The following SNX8 variants were observed in gnomAD, a reference collection of about 807,000 sequenced individuals.
The protein encoded by SNX8 is sorting nexin-8.
A neutral mutation model predicts 51.6 loss-of-function variants in SNX8; 25 were observed. The ratio of observed to expected loss-of-function variants is 0.48; its 90% CI spans 0.35 to 0.68. The LOEUF (loss-of-function observed/expected upper bound fraction) is 0.68. Among genes scored for constraint, SNX8 ranks in the 30% least tolerant of loss-of-function variants. SNX8 has a pLI of 0.00. For missense variants in SNX8, 695 were observed against 624.0 expected, an observed-to-expected ratio of 1.11 and a Z score of -1.21; for synonymous variants, 324 against 277.0, an observed-to-expected ratio of 1.17 and a Z score of -1.68.
intron 1 of SNX8, among the ~76,000 whole-genome samples, chr7:2,300,025 A>G (rs1796357697): frequency 6.6e-6 from 1 of 152,214 alleles, no homozygotes; most frequent in African/African-American, 2.4e-5. Context: ...GCAATTAATC[A>G]ACCAGAAAAT....
At chr7:2,267,984 A>G (rs1795516269) in intron 5 of SNX8, among the ~76,000 whole-genome samples, 2 of 144,106 alleles carry the variant, frequency 1.4e-5, no homozygotes, top group Non-Finnish European at 1.5e-5. Context: ...GGATGTGAGG[A>G]GCGCCTCTGC....
chr7:2,251,781 C>G lies in SNX8; in HGVS notation c.*3275G>C, dbSNP rs1224017485. The G allele has an allele frequency of 6.5e-6, 1 of 152,754 alleles. No individual in the cohort carries two copies. Among genetic ancestry groups the G allele is most frequent in the Non-Finnish European group, 1.5e-5 (1 of 68,486 alleles). The allele number at this position is 152,754 out of a possible 1,614,324, so 9.5% of individuals were successfully genotyped here. A position where few individuals can be genotyped will look rare whatever the true frequency, so the allele number is the denominator to read the frequency against. ...TCATACACGTTTAATAACAGTTGTT[C>G]ACACATGTTTATTGATAAACCGTCC... On this transcript the variant is annotated 3_prime_UTR_variant, in exon 11 of 11. Coordinates refer to ENST00000222990, the MANE Select transcript of SNX8 (RefSeq NM_013321.4).
intron 1 of SNX8, among the ~76,000 whole-genome samples, chr7:2,303,073 C>A (rs1464269484): frequency 3.3e-5 from 5 of 149,506 alleles, no homozygotes; most frequent in Non-Finnish European, 7.5e-5. Flanking sequence ...GTCAGCCCCC[C>A]ACCCGGCCAG....
intron 1 of SNX8, among the ~76,000 whole-genome samples, chr7:2,307,446 A>G (rs1584727426): frequency 6.6e-6 from 1 of 152,150 alleles, no homozygotes; most frequent in South Asian, 2.1e-4. Context: ...AGCCTGGCCA[A>G]CATGGTGAAA....
Position 2,294,878 on chromosome 7 carries a change from TAA to T in SNX8, c.95-16575_95-16574del, listed in dbSNP as rs1344341846. Among the ~76,000 whole-genome samples the T allele has an allele frequency of 2.7e-5, 4 of 150,676 alleles. No homozygotes were observed. The East Asian group carries it at 7.9e-4, about 30-fold the overall frequency. On this transcript the variant is annotated intron_variant, in intron 1 of 10. Coordinates refer to ENST00000222990, the MANE Select transcript of SNX8 (RefSeq NM_013321.4). ...GCAATACCCCATCTCTACAAAAAAATAAAAAGTCAGGCATGGTGGTGCACACC... is the reference window on the plus strand; with the variant it reads ...GCAATACCCCATCTCTACAAAAAAATAAAGTCAGGCATGGTGGTGCACACC...
chr7:2,281,083 G>A (rs915596349), intron 1 of SNX8, among the ~76,000 whole-genome samples: 1 of 151,770 alleles, frequency 6.6e-6, no homozygotes, highest in African/African-American at 2.4e-5. Context: ...ATGAGACACC[G>A]CGCCCGGCCA....
chr7:2,334,791 C>T (rs1277025494), intron 1 of SNX8, among the ~76,000 whole-genome samples: 1 of 148,386 alleles, frequency 6.7e-6, no homozygotes, highest in Non-Finnish European at 1.5e-5. Flanking sequence ...ATCACCTGAT[C>T]CCAGAAGTTG....
chr7:2,264,069 C>A (rs1478123682), intron 6 of SNX8, among the ~76,000 whole-genome samples: 1 of 152,060 alleles, frequency 6.6e-6, no homozygotes, highest in Non-Finnish European at 1.5e-5. Context: ...AGACTAGAAA[C>A]TGGTGAGCAT....
chr7:2,302,976 C>T (rs1392883946), intron 1 of SNX8, among the ~76,000 whole-genome samples: 3 of 151,770 alleles, frequency 2.0e-5, no homozygotes, highest in Non-Finnish European at 4.4e-5. Flanking sequence ...TGAGGAGCGT[C>T]TCCGCCCGGC....
chr7:2,314,560 G>C, upstream of SNX8: 1 of 874,026 alleles, frequency 1.1e-6, no homozygotes, highest in Non-Finnish European at 1.4e-6. Flanking sequence ...GCCCCTGCGG[G>C]CCCGCCGCGC....
chr7:2,257,772 T>C lies in SNX8; in HGVS notation c.947A>G (p.Lys316Arg), dbSNP rs753019899. The C allele has an allele frequency of 5.0e-6, 8 of 1,613,936 alleles. No individual in the cohort carries two copies. The South Asian group carries it at 6.6e-5, about 13-fold the overall frequency. ...CAGCAGATCCAAGAAGAGGTTCAGC[T>C]TCTCCACCACGTCGTTCTCTTCCTG... Reference protein sequence around the residue: ...GKQEENDVVEKLNLFLDLLQS... With the variant: ...GKQEENDVVERLNLFLDLLQS... Residue 316 changes from lysine to arginine, a missense_variant, in exon 8 of 11, where the codon AAG becomes AGG. Coordinates refer to ENST00000222990, the MANE Select transcript of SNX8 (RefSeq NM_013321.4).
upstream of SNX8, among the ~76,000 whole-genome samples, chr7:2,318,991 G>C (rs575860501): frequency 6.6e-6 from 1 of 152,054 alleles, no homozygotes; most frequent in Non-Finnish European, 1.5e-5. Context: ...CTGGGTGATA[G>C]AGCGAGCCTC....
At chr7:2,316,657 T>A (rs1032653033), upstream of SNX8, among the ~76,000 whole-genome samples, 11 of 151,214 alleles carry the variant, frequency 7.3e-5, no homozygotes, top group African/African-American at 2.7e-4. Context: ...CATCCTGCAT[T>A]CATTCATTCA....
chr7:2,331,370 C>T (rs1778731973), intron 1 of SNX8, among the ~76,000 whole-genome samples: 2 of 151,358 alleles, frequency 1.3e-5, no homozygotes, highest in Admixed American at 6.6e-5. Context: ...TATATACTAG[C>T]GATGTACTAT....
chr7:2,263,151 A>G, intron 7 of SNX8, 79 bp downstream of exon 7: 4 of 1,506,382 alleles, frequency 2.7e-6, no homozygotes, highest in Non-Finnish European at 3.6e-6. Context: ...TGTGACGCCC[A>G]TCTAAGCAGG....
chr7:2,319,410 A>G (rs1021290787), upstream of SNX8, among the ~76,000 whole-genome samples: 7 of 152,216 alleles, frequency 4.6e-5, no homozygotes, highest in Non-Finnish European at 8.8e-5. Flanking sequence ...CTGTAATCCC[A>G]GCACTTTGGG....
chr7:2,349,276 T>C (rs1779095016), intron 1 of SNX8, among the ~76,000 whole-genome samples: 1 of 151,940 alleles, frequency 6.6e-6, no homozygotes, highest in Non-Finnish European at 1.5e-5. Context: ...AAATGTACCA[T>C]CTTAACCACG....
chr7:2,264,445 G>T lies in SNX8; in HGVS notation c.635C>A (p.Ala212Asp). Residue 212 changes from alanine to aspartate, a missense_variant, in exon 6 of 11, where the codon GCT (alanine) becomes GAT (aspartate). Transcript: ENST00000222990. ...LATRAKDFLP[A>D]DIQAQFAISR... is the part of the protein sequence containing the mutation. The stretch of plus-strand genomic sequence containing the variant: ...GATGGCAAACTGAGCCTGGATGTCA[G>T]CTGGGAGGAAGTCCTGACATCATGA... 1 of 1,611,078 alleles carries T rather than the reference G, an allele frequency of 6.2e-7. No homozygotes were observed.
chr7:2,313,188 C>T (rs1002603823), intron 1 of SNX8, among the ~76,000 whole-genome samples: 1 of 151,884 alleles, frequency 6.6e-6, no homozygotes, highest in Non-Finnish European at 1.5e-5. Context: ...CGTGAGCCAC[C>T]GTGCCCAGCC....
Sources: gnomAD v4.1 joint callset for allele counts (sites outside exome capture counted in the v4.1 genomes callset) on GRCh38, gnomAD v4.1.1 for gene constraint, MANE v1.5 for transcripts, NCBI Gene and HGNC (gene_info 2026-07-23, HGNC 2026-07-21) for gene names.